The following RGS10 variants were observed in gnomAD, a reference collection of about 807,000 sequenced individuals.
The protein encoded by RGS10 is regulator of G-protein signalling 10.
Under a neutral mutation model 23.5 loss-of-function variants are expected in RGS10, and 11 were observed. That is an observed-to-expected ratio of 0.47 (90% CI 0.29 to 0.77). RGS10 has a LOEUF of 0.77. Ranked by LOEUF, RGS10 falls within the 30% of genes least tolerant of loss-of-function variation. RGS10 has a pLI of 0.08. For synonymous variants in RGS10, 77 were observed against 83.2 expected, an observed-to-expected ratio of 0.92 and a Z score of 0.41; for missense variants, 180 against 226.3, an observed-to-expected ratio of 0.80 and a Z score of 1.31.
intron 3 of RGS10, among the ~76,000 whole-genome samples, chr10:119,518,078 AAC>A (rs1244671055): frequency 3.9e-5 from 6 of 152,150 alleles, no homozygotes; most frequent in African/African-American, 1.2e-4. Flanking sequence ...GAAAAGAAGA[AAC>A]AGTCTGTGGA....
chr10:119,527,278 A>G lies in RGS10; in HGVS notation c.168+28T>C, dbSNP rs2133956794. On this transcript the variant is annotated intron_variant, in intron 2 of 4. Transcript: ENST00000369103. This position sits in a 1 kb window ranked among gnomAD's most constrained non-coding sequence, Gnocchi z 4.2. ...CTGAACTTCTGCACACACTGCATCC[A>G]TCCCGATTAACAATGAAAAAGACAA... 3 of 1,538,222 alleles carry G rather than the reference A, an allele frequency of 2.0e-6. No homozygotes were observed. The highest frequency in any genetic ancestry group is 2.7e-6 in the Non-Finnish European group (3 of 1,112,494).
chr10:119,510,719 T>C (rs915705490), intron 4 of RGS10, among the ~76,000 whole-genome samples: 10 of 152,044 alleles, frequency 6.6e-5, no homozygotes, highest in Admixed American at 2.6e-4. Flanking sequence ...AATAGATATT[T>C]TTGTTTATTT....
At position 119,528,765 on chromosome 10, in the gene RGS10, C is replaced by T. The variant is rs554620821; in HGVS notation, c.50-1341G>A. On this transcript the variant is annotated intron_variant, in intron 1 of 4. Coordinates refer to ENST00000369103, the MANE Select transcript of RGS10 (RefSeq NM_001005339.2). ...AGGAGAAACGCTTGAACCCAGGAAG[C>T]GGAGGTTGCAGTGAGCCAAGATCAC... 7.2e-5 allele frequency among the ~76,000 whole-genome samples: 11 copies of T among 151,968 alleles called. No homozygotes were observed. In the South Asian group the frequency reaches 1.2e-3, roughly 17 times the overall value.
rs760449337 is a variant in RGS10 at position 119,499,862 on chromosome 10, C to T, written c.*251G>A. The stretch of plus-strand genomic sequence containing the variant: ...TGAGGTTTAATTAAGCTACAAAATG[C>T]TCGACGTGTCCAGTGTTGAAGGAAT... On this transcript the variant is annotated 3_prime_UTR_variant, in exon 5 of 5. Transcript: ENST00000369103. 2 of 386,256 alleles carry T rather than the reference C, an allele frequency of 5.2e-6. No individual in the cohort carries two copies. Among genetic ancestry groups the T allele is most frequent in the Non-Finnish European group, 9.3e-6 (2 of 215,444 alleles). The allele number at this position is 386,256 out of a possible 1,614,324, so 23.9% of individuals were successfully genotyped here. A position where few individuals can be genotyped will look rare whatever the true frequency, so the allele number is the denominator to read the frequency against.
intron 1 of RGS10, among the ~76,000 whole-genome samples, chr10:119,532,092 C>T (rs751646050): frequency 2.0e-5 from 3 of 152,186 alleles, no homozygotes; most frequent in Non-Finnish European, 4.4e-5. Flanking sequence ...GATACCTGCT[C>T]TCTATCTGTC....
intron 1 of RGS10, among the ~76,000 whole-genome samples, chr10:119,539,374 G>A (rs1205239076): frequency 6.6e-5 from 10 of 152,226 alleles, no homozygotes; most frequent in East Asian, 3.8e-4. Context: ...GGGGACGGCC[G>A]AAACCTGCCC....
At chr10:119,501,664 A>C (rs1238872300) in intron 4 of RGS10, among the ~76,000 whole-genome samples, 2 of 152,162 alleles carry the variant, frequency 1.3e-5, no homozygotes, top group Non-Finnish European at 2.9e-5. Context: ...CAAAGGCTGC[A>C]GTGAGCTGAG....
intron 4 of RGS10, among the ~76,000 whole-genome samples, chr10:119,510,543 C>A (rs908050201): frequency 6.6e-6 from 1 of 152,190 alleles, no homozygotes; most frequent in African/African-American, 2.4e-5. Context: ...TCTTTCTCTG[C>A]CCTCCGTGTG....
In RGS10 at chr10:119,500,106, T is replaced by G; in HGVS notation, c.*7A>C. The G allele has an allele frequency of 6.2e-7, 1 of 1,610,420 alleles. No homozygotes were observed. Among genetic ancestry groups the G allele is most frequent in the Non-Finnish European group, 8.5e-7 (1 of 1,178,992 alleles). ...CTTAAAGCTGCCAGTCCCGGCTTTT[T>G]GGGGGCTCATGTGTTATAAATTCTG... is the stretch of plus-strand genomic sequence containing the variant. On this transcript the variant is annotated 3_prime_UTR_variant, in exon 5 of 5. Coordinates refer to ENST00000369103, the MANE Select transcript of RGS10 (RefSeq NM_001005339.2).
At position 119,527,196 on chromosome 10, in the gene RGS10, A is replaced by C; in HGVS notation, c.168+110T>G. 1.4e-6 allele frequency: 1 copy of C among 721,608 alleles called. No individual in the cohort carries two copies. Among genetic ancestry groups the C allele is most frequent in the Non-Finnish European group, 2.4e-6 (1 of 418,426 alleles). 44.7% of individuals were successfully genotyped at this position (721,608 alleles called of 1,614,324 possible). A position where few individuals can be genotyped will look rare whatever the true frequency, so the allele number is the denominator to read the frequency against. ...CAGTACTGAACTCTCAAGCTGGCAT[A>C]GAGAGTGCTACGCTGACAGACAATG... is the stretch of plus-strand genomic sequence containing the variant. On this transcript the variant is annotated intron_variant, in intron 2 of 4. Transcript: ENST00000369103. The surrounding 1 kb of genome is among the most constrained non-coding windows in gnomAD (Gnocchi z 4.2).
At chr10:119,525,998 T>A (rs767292501) in intron 3 of RGS10, 34 bp downstream of exon 3, 1 of 1,250,136 alleles carries the variant, frequency 8.0e-7, no homozygotes, top group South Asian at 1.5e-5. Flanking sequence ...TGTAACTTTA[T>A]AAGGGAAAAA....
chr10:119,500,296 GC>G, intron 4 of RGS10, 37 bp from the exon 5 acceptor site: 1 of 1,577,152 alleles, frequency 6.3e-7, no homozygotes, highest in Non-Finnish European at 8.6e-7. Flanking sequence ...GAAGGCTGAG[GC>G]TAATCCAGGC....
At chr10:119,500,720 T>A (rs1469296872) in intron 4 of RGS10, among the ~76,000 whole-genome samples, 1 of 150,114 alleles carries the variant, frequency 6.7e-6, no homozygotes, top group African/African-American at 2.5e-5. Flanking sequence ...AAGTCTGGCA[T>A]CCGAGATCTC....
At chr10:119,540,171 G>C (rs1308268337) in intron 1 of RGS10, among the ~76,000 whole-genome samples, 1 of 152,128 alleles carries the variant, frequency 6.6e-6, no homozygotes. Context: ...CAGGCTATTG[G>C]AGTGGAGGCA....
intron 1 of RGS10, among the ~76,000 whole-genome samples, chr10:119,535,271 G>GAAAA (rs34636046): frequency 8.2e-6 from 1 of 122,366 alleles, no homozygotes; most frequent in Non-Finnish European, 1.6e-5. Context: ...AATCCATGCA[G>GAAAA]AAAAAAAAAA....
chr10:119,521,365 G>A (rs1175358642), intron 3 of RGS10, among the ~76,000 whole-genome samples: 1 of 152,120 alleles, frequency 6.6e-6, no homozygotes, highest in African/African-American at 2.4e-5. Flanking sequence ...GAGGTCAGGA[G>A]TTTGAGATCA....
intron 4 of RGS10, among the ~76,000 whole-genome samples, chr10:119,507,897 T>G (rs1280628033): frequency 6.6e-6 from 1 of 152,052 alleles, no homozygotes; most frequent in African/African-American, 2.4e-5. Context: ...AGGACTTCTT[T>G]TTGAGTGGAG....
chr10:119,532,577 G>A (rs1844342191), intron 1 of RGS10, among the ~76,000 whole-genome samples: 1 of 152,054 alleles, frequency 6.6e-6, no homozygotes, highest in Admixed American at 6.5e-5. Flanking sequence ...TAGGCCAGGC[G>A]TGGCAACTCA....
Position 119,534,888 on chromosome 10 carries a change from C to T in RGS10, c.50-7464G>A, listed in dbSNP as rs60112865. Among the ~76,000 whole-genome samples, 278 of 151,772 alleles carry T rather than the reference C, an allele frequency of 1.8e-3. 2 individuals are homozygous for T. Among genetic ancestry groups the T allele is most frequent in the African/African-American group, 6.4e-3 (263 of 41,322 alleles). Reference sequence around the variant, plus strand: ...CTGGTGACAGAGCAAGACTCTGTCTCAAAAAAATAAAAAGAAAAAAGAAAA... The same window carrying T: ...CTGGTGACAGAGCAAGACTCTGTCTTAAAAAAATAAAAAGAAAAAAGAAAA... On this transcript the variant is annotated intron_variant, in intron 1 of 4. Transcript: ENST00000369103.
Sources: gnomAD v4.1 joint callset for allele counts (sites outside exome capture counted in the v4.1 genomes callset) on GRCh38, gnomAD v4.1.1 for gene constraint, Gnocchi (gnomAD v3.1) non-coding constraint, MANE v1.5 for transcripts, NCBI Gene and HGNC (gene_info 2026-07-23, HGNC 2026-07-21) for gene names.